The following EYS variants were observed in gnomAD, a reference collection of about 807,000 sequenced individuals.
EYS encodes EGF-like photoreceptor maintenance factor, also known as protein eyes shut homolog.
Under a neutral mutation model 282.1 loss-of-function variants are expected in EYS, and 250 were observed. The ratio of observed to expected loss-of-function variants is 0.89; its 90% CI spans 0.80 to 0.98. The LOEUF (loss-of-function observed/expected upper bound fraction) is 0.98, where lower values mean the gene tolerates loss of function less well. EYS is among the 50% of genes least tolerant of loss of function. The pLI is 0.00. For missense variants in EYS, 4,016 were observed against 3,709.0 expected (o/e 1.08, Z -2.15); for synonymous variants, 1,355 against 1,282.9 (o/e 1.06, Z -1.20).
At chr6:65,314,113 C>G (rs542284926) in intron 11 of EYS, among the ~76,000 whole-genome samples, 15 of 141,340 alleles carry the variant, frequency 1.1e-4, no homozygotes, top group Non-Finnish European at 3.1e-5. Flanking sequence ...GTGTGTCTAT[C>G]TGTGTGTGTG....
At chr6:65,634,925 G>A (rs1873290) in intron 2 of EYS, among the ~76,000 whole-genome samples, 7,261 of 152,138 alleles carry the variant, frequency 0.048, 539 homozygotes, top group African/African-American at 0.15. Flanking sequence ...TTTTTCTTCT[G>A]TCTCTATAGA....
At chr6:64,584,648 T>C (rs890316562) in intron 26 of EYS, among the ~76,000 whole-genome samples, 33 of 152,050 alleles carry the variant, frequency 2.2e-4, no homozygotes, top group African/African-American at 7.7e-4. Flanking sequence ...TTGCTCTTAA[T>C]AATTTTTGAA....
At chr6:64,243,908 A>G (rs1395542613) in intron 30 of EYS, among the ~76,000 whole-genome samples, 2 of 152,196 alleles carry the variant, frequency 1.3e-5, no homozygotes, top group South Asian at 2.1e-4. Context: ...AAGTTTTTCA[A>G]GTTATAAATA....
intron 5 of EYS, among the ~76,000 whole-genome samples, chr6:65,426,797 C>G (rs926656510): frequency 6.6e-6 from 1 of 152,028 alleles, no homozygotes; most frequent in East Asian, 1.9e-4. Flanking sequence ...TTAGGAGTTT[C>G]AACAGATGTT....
intron 5 of EYS, among the ~76,000 whole-genome samples, chr6:65,426,819 A>C (rs1193455636): frequency 6.6e-6 from 1 of 152,146 alleles, no homozygotes; most frequent in Non-Finnish European, 1.5e-5. Flanking sequence ...ATAAGTTATA[A>C]ACCTTAATTT....
chr6:64,679,253 G>A (rs1769814453), intron 22 of EYS, among the ~76,000 whole-genome samples: 1 of 151,962 alleles, frequency 6.6e-6, no homozygotes, highest in African/African-American at 2.4e-5. Context: ...GTGTGTATGT[G>A]CATATGTGTG....
intron 21 of EYS, among the ~76,000 whole-genome samples, chr6:64,816,567 T>A (rs1764746414): frequency 6.6e-6 from 1 of 152,062 alleles, no homozygotes; most frequent in South Asian, 2.1e-4. Context: ...GATTCAAGAT[T>A]TATGCAGGAG....
chr6:64,513,390 T>C (rs1777466856), intron 26 of EYS, among the ~76,000 whole-genome samples: 1 of 152,026 alleles, frequency 6.6e-6, no homozygotes, highest in South Asian at 2.1e-4. Flanking sequence ...TGACATTCTA[T>C]GAAAAAATAT....
intron 21 of EYS, among the ~76,000 whole-genome samples, chr6:64,817,431 A>C (rs1486411656): frequency 6.6e-6 from 1 of 152,188 alleles, no homozygotes; most frequent in African/African-American, 2.4e-5. Context: ...ATATTAAATA[A>C]AAAGCTCATA....
chr6:65,149,798 T>A (rs527560612), intron 12 of EYS, among the ~76,000 whole-genome samples: 1 of 152,280 alleles, frequency 6.6e-6, no homozygotes, highest in South Asian at 2.1e-4. Context: ...AGTACCTATT[T>A]ATTGCACTAG....
At chr6:65,023,919 A>G (rs945300890) in intron 13 of EYS, among the ~76,000 whole-genome samples, 4 of 152,218 alleles carry the variant, frequency 2.6e-5, no homozygotes, top group Admixed American at 1.3e-4. Context: ...TAGCAGTCCA[A>G]TAAATTAAAT....
At chr6:65,628,720 A>G (rs1420790821) in intron 2 of EYS, among the ~76,000 whole-genome samples, 1 of 151,560 alleles carries the variant, frequency 6.6e-6, no homozygotes. Context: ...CCACGAACCC[A>G]CCAGAAGGAA....
At chr6:65,502,797 C>T (rs1410431229) in intron 2 of EYS, among the ~76,000 whole-genome samples, 2 of 151,396 alleles carry the variant, frequency 1.3e-5, no homozygotes, top group African/African-American at 2.4e-5. Flanking sequence ...CATTGTTGTA[C>T]AAAAGTAATA....
intron 31 of EYS, among the ~76,000 whole-genome samples, chr6:64,196,112 A>T (rs898718581): frequency 3.3e-5 from 5 of 152,256 alleles, no homozygotes; most frequent in Non-Finnish European, 5.9e-5. Context: ...TCAAAAGAAG[A>T]CATTTATGCA....
At chr6:64,474,046 TCCCCAA>T (rs1484067400) in intron 26 of EYS, among the ~76,000 whole-genome samples, 4 of 152,148 alleles carry the variant, frequency 2.6e-5, no homozygotes, top group Non-Finnish European at 4.4e-5. Context: ...CATTTTTAGT[TCCCCAA>T]CCTAAAAGGC....
At chr6:64,824,261 C>T (rs1158140431) in intron 19 of EYS, among the ~76,000 whole-genome samples, 1 of 151,748 alleles carries the variant, frequency 6.6e-6, no homozygotes, top group Non-Finnish European at 1.5e-5. Context: ...CGACTAAGTC[C>T]AACAGAAATG....
chr6:64,813,023 C>G (rs1390326945), intron 22 of EYS, among the ~76,000 whole-genome samples: 1 of 151,628 alleles, frequency 6.6e-6, no homozygotes, highest in African/African-American at 2.4e-5. Context: ...GAATCTCTGG[C>G]TAGGAATTAT....
intron 35 of EYS, among the ~76,000 whole-genome samples, chr6:63,956,017 G>A (rs191375222): frequency 0.01 from 1,584 of 152,100 alleles, 21 homozygotes; most frequent in African/African-American, 0.032. Context: ...TCCCACTCTA[G>A]GTTCCCACAC....
At chr6:65,037,564 T>C (rs1772807648) in intron 13 of EYS, among the ~76,000 whole-genome samples, 1 of 151,818 alleles carries the variant, frequency 6.6e-6, no homozygotes, top group Non-Finnish European at 1.5e-5. Context: ...TTTTTTCTTT[T>C]CTCTAGGTTA....
Sources: gnomAD v4.1 joint callset for allele counts (sites outside exome capture counted in the v4.1 genomes callset) on GRCh38, gnomAD v4.1.1 for gene constraint, MANE v1.5 for transcripts, NCBI Gene and HGNC (gene_info 2026-07-23, HGNC 2026-07-21) for gene names.